The following HMGCS2 variants were observed in gnomAD, a reference collection of about 807,000 sequenced individuals.
HMGCS2 encodes hydroxymethylglutaryl-CoA synthase, mitochondrial.
In HMGCS2, 50 loss-of-function variants were observed where a neutral mutation model predicts 57.4. The ratio of observed to expected loss-of-function variants is 0.87; its 90% CI spans 0.69 to 1.10. HMGCS2 has a LOEUF of 1.10. HMGCS2 is among the 50% of genes least tolerant of loss of function. The pLI, the probability that HMGCS2 is intolerant of heterozygous loss-of-function variation, is 0.00. For missense variants in HMGCS2, 627 were observed against 636.5 expected (o/e 0.99, Z 0.16); for synonymous variants, 254 against 245.1 (o/e 1.04, Z -0.34).
chr1:119,752,818 T>G, intron 7 of HMGCS2, 144 bp from the exon 8 acceptor site: 1 of 923,298 alleles, frequency 1.1e-6, no homozygotes, highest in Non-Finnish European at 1.8e-6. Flanking sequence ...TACCAAGAAA[T>G]GATAAGCAAG....
intron 5 of HMGCS2, among the ~76,000 whole-genome samples, chr1:119,756,971 T>C (rs1652861962): frequency 6.6e-6 from 1 of 152,196 alleles, no homozygotes; most frequent in Non-Finnish European, 1.5e-5. Flanking sequence ...TTAGCTACTC[T>C]CTTTCTCCCT....
In HMGCS2 at chr1:119,759,886, C is replaced by T; in HGVS notation, c.663G>A (p.Lys221=). The T allele has an allele frequency of 6.2e-7, 1 of 1,614,176 alleles. No homozygotes were observed. Among genetic ancestry groups the T allele is most frequent in the Non-Finnish European group, 8.5e-7 (1 of 1,180,028 alleles). Residue 221 remains lysine, a synonymous_variant, in exon 3 of 10, where the codon AAG becomes AAA. Coordinates refer to ENST00000369406, the MANE Select transcript of HMGCS2 (RefSeq NM_005518.4). ...AGAVAMLIGP[K]APLALERGLR... ...AACCTCGCTCCAGGGCCAGAGGGGC[C>T]TTGGGCCCAATCAGCATAGCCACAG... is the stretch of plus-strand genomic sequence containing the variant.
intron 9 of HMGCS2, among the ~76,000 whole-genome samples, chr1:119,750,189 T>C (rs587762738): frequency 6.6e-5 from 10 of 152,328 alleles, no homozygotes; most frequent in African/African-American, 2.2e-4. Flanking sequence ...TTTAACAGAA[T>C]CTTCAACCGC....
chr1:119,757,518 C>T (rs587728074), intron 4 of HMGCS2, 80 bp from the exon 5 acceptor site: 20 of 1,603,390 alleles, frequency 1.2e-5, no homozygotes, highest in Non-Finnish European at 1.4e-5. Context: ...TTAACTGTGC[C>T]GAGTTTCTCC....
rs61729865 is a variant in HMGCS2 at position 119,752,627 on chromosome 1, G to C, written c.1342C>G (p.Arg448Gly). Reference sequence around the variant, plus strand: ...GACACACACTTTCGGGAGGCTAGGCGTTTTGGCAGGTCTGATGTGCTGGAC... The same window carrying C: ...GACACACACTTTCGGGAGGCTAGGCCTTTTGGCAGGTCTGATGTGCTGGAC... ...LVSSTSDLPK[R>G]LASRKCVSPE... The change falls in exon 8 of 10, where the codon CGC (arginine) becomes GGC (glycine). Residue 448 changes from arginine (R) to glycine (G), a missense_variant. By Grantham distance (125) the Arg-to-Gly change is moderately radical (BLOSUM62 -2). Transcript: ENST00000369406. 1.2e-6 allele frequency: 2 copies of C among 1,613,962 alleles called. No homozygotes were observed. The highest frequency in any genetic ancestry group is 1.7e-6 in the Non-Finnish European group (2 of 1,179,998).
chr1:119,757,367 C>A lies in HMGCS2; in HGVS notation c.922G>T (p.Val308Phe). The A allele has an allele frequency of 1.2e-6, 2 of 1,614,160 alleles. No homozygotes were observed. The highest frequency in any genetic ancestry group is 1.7e-6 in the Non-Finnish European group (2 of 1,180,024). Residue 308 changes from valine to phenylalanine, a missense_variant, in exon 5 of 10, where the codon GTC (valine) becomes TTC (phenylalanine). Coordinates refer to ENST00000369406, the MANE Select transcript of HMGCS2 (RefSeq NM_005518.4). ...ATCAGGCGAGCCAGAGACTTCTGGA[C>A]CATCTTGCAAAAGGGTGTATGAAAG... is the stretch of plus-strand genomic sequence containing the variant. Reference protein sequence around the residue: ...MIFHTPFCKMVQKSLARLMFN... With the variant: ...MIFHTPFCKMFQKSLARLMFN...
intron 3 of HMGCS2, 54 bp from the exon 4 acceptor site, chr1:119,759,336 C>A: frequency 6.4e-7 from 1 of 1,555,898 alleles, no homozygotes; most frequent in Non-Finnish European, 8.9e-7. Flanking sequence ...CTACCTTGAG[C>A]ACAAAAGATG....
intron 3 of HMGCS2, among the ~76,000 whole-genome samples, chr1:119,759,661 T>A (rs1333791043): frequency 6.6e-6 from 1 of 152,224 alleles, no homozygotes; most frequent in African/African-American, 2.4e-5. Context: ...TGCCTGATGA[T>A]GCAAGAGAGG....
intron 8 of HMGCS2, among the ~76,000 whole-genome samples, chr1:119,752,300 C>T (rs898325653): frequency 2.0e-5 from 3 of 152,182 alleles, no homozygotes; most frequent in Admixed American, 2.0e-4. Flanking sequence ...TGGGACTACA[C>T]ATTCTGGGTG....
intron 3 of HMGCS2, 98 bp downstream of exon 3, chr1:119,759,766 A>T: frequency 6.9e-7 from 1 of 1,455,218 alleles, no homozygotes; most frequent in Admixed American, 1.7e-5. Flanking sequence ...CCTCAAACGC[A>T]TACCTCAGCC....
rs587628935 is a variant in HMGCS2 at position 119,766,119 on chromosome 1, C to T, written c.105-1493G>A. Among the ~76,000 whole-genome samples, 9 of 152,302 alleles carry T rather than the reference C, an allele frequency of 5.9e-5. No individual in the cohort carries two copies. In the South Asian group the frequency reaches 6.2e-4, roughly 11 times the overall value. On this transcript the variant is annotated intron_variant, in intron 1 of 9. Transcript: ENST00000369406. ...TAACCCAGATTCTTAATATCCCTGG[C>T]GAAAATCTGTGTTCCCTTTTGTATG...
intron 1 of HMGCS2, among the ~76,000 whole-genome samples, chr1:119,766,308 G>C (rs1485291752): frequency 1.3e-5 from 2 of 152,190 alleles, no homozygotes; most frequent in South Asian, 2.1e-4. Context: ...TTTCTCACGT[G>C]TTAGAAATAC....
Position 119,752,010 on chromosome 1 carries a change from T to C in HMGCS2, c.1420+539A>G, listed in dbSNP as rs367688836. 1.4e-4 allele frequency among the ~76,000 whole-genome samples: 18 copies of C among 133,084 alleles called. No homozygotes were observed. In the Admixed American group the frequency reaches 1.4e-3, roughly 10 times the overall value. 87.3% of individuals were successfully genotyped at this position (133,084 alleles called of 152,430 possible). A position where few individuals can be genotyped will look rare whatever the true frequency, so the allele number is the denominator to read the frequency against. On this transcript the variant is annotated intron_variant, in intron 8 of 9. Transcript: ENST00000369406. ...GCTTTTGGAGCAATATTTTGTTTTT[T>C]GTTTTTATGTTTGGTGGAGAAAGAG... is the stretch of plus-strand genomic sequence containing the variant.
intron 9 of HMGCS2, among the ~76,000 whole-genome samples, chr1:119,749,467 G>T (rs779334105): frequency 2.7e-4 from 39 of 143,258 alleles, no homozygotes; most frequent in Admixed American, 1.6e-3. Flanking sequence ...GCCCCTCTTT[G>T]CTACTGACCT....
In HMGCS2 at chr1:119,764,262, T is replaced by C. The variant is rs1051823691; in HGVS notation, c.469A>G (p.Ile157Val). 3 of 1,614,082 alleles carry C rather than the reference T, an allele frequency of 1.9e-6. No homozygotes were observed. The highest frequency in any genetic ancestry group is 2.7e-5 in the African/African-American group (2 of 74,928). Residue 157 changes from isoleucine (I) to valine (V), a missense_variant, in exon 2 of 10, where the codon ATT (isoleucine) becomes GTT (valine). Ile to Val is a conservative substitution (Grantham distance 29). Coordinates refer to ENST00000369406, the MANE Select transcript of HMGCS2 (RefSeq NM_005518.4). The part of the protein sequence containing the change: ...ELFQDSGNTD[I>V]EGIDTTNACY... ...GCATTGGTGGTATCTATGCCCTCAA[T>C]ATCAGTATTGCCTGAATCCTGGAAG...
At chr1:119,751,014 C>T (rs587597374) in intron 8 of HMGCS2, 106 bp from the exon 9 acceptor site, 11 of 754,632 alleles carry the variant, frequency 1.5e-5, no homozygotes, top group African/African-American at 1.2e-4. Flanking sequence ...GCTCTCTTGG[C>T]TGGGCTGTAA....
Position 119,768,771 on chromosome 1 carries a change from G to C in HMGCS2, c.74C>G (p.Pro25Arg). Reference sequence around the variant, plus strand: ...GTGGGCTACTGGGAGCAGGCGAGCAGGTGTGAGGGAGGTTTCCTGCACCGC... The same window carrying C: ...GTGGGCTACTGGGAGCAGGCGAGCACGTGTGAGGGAGGTTTCCTGCACCGC... ...TRAVQETSLT[P>R]ARLLPVAHQR... The change falls in exon 1 of 10, where the codon CCT becomes CGT. Residue 25 changes from proline to arginine, a missense_variant. By Grantham distance (103) the Pro-to-Arg change is moderately radical (BLOSUM62 -2). Coordinates refer to ENST00000369406, the MANE Select transcript of HMGCS2 (RefSeq NM_005518.4). 3.7e-6 allele frequency: 6 copies of C among 1,614,050 alleles called. No individual in the cohort carries two copies. Among genetic ancestry groups the C allele is most frequent in the Non-Finnish European group, 5.1e-6 (6 of 1,179,908 alleles).
rs752729912 is a variant in HMGCS2, at chr1:119,764,197, G to C, written c.534C>G (p.Asn178Lys). ...GGTASLFNAA[N>K]WMESSSWDGR... ...CATCCCAGGAACTGGACTCCATCCA[G>C]TTGGCAGCATTGAAGAGGGAGGCAG... Residue 178 changes from asparagine to lysine, a missense_variant, in exon 2 of 10, where the codon AAC (asparagine) becomes AAG (lysine). Asn to Lys is a moderately conservative substitution (Grantham distance 94). Transcript: ENST00000369406. 1 of 1,613,604 alleles carries C rather than the reference G, an allele frequency of 6.2e-7. No homozygotes were observed. Among genetic ancestry groups the C allele is most frequent in the Non-Finnish European group, 8.5e-7 (1 of 1,180,022 alleles).
intron 1 of HMGCS2, among the ~76,000 whole-genome samples, chr1:119,767,670 C>T (rs771848277): frequency 6.6e-6 from 1 of 152,114 alleles, no homozygotes. Context: ...TGTGAATATA[C>T]CAGAAGGGAA....
Sources: allele counts gnomAD v4.1 joint callset (sites outside exome capture counted in the v4.1 genomes callset), GRCh38; gene constraint gnomAD v4.1.1; transcripts MANE v1.5; gene names NCBI Gene and HGNC (gene_info 2026-07-23, HGNC 2026-07-21).